The following ATP13A4 variants were observed in gnomAD, a reference collection of about 807,000 sequenced individuals.
ATP13A4 encodes ATPase 13A4.
A neutral mutation model predicts 142.5 loss-of-function variants in ATP13A4; 114 were observed. That is an observed-to-expected ratio of 0.80 (90% CI 0.69 to 0.93). ATP13A4 has a LOEUF of 0.93. ATP13A4 is among the 40% of genes least tolerant of loss of function. The pLI, the probability that ATP13A4 is intolerant of heterozygous loss-of-function variation, is 0.00. For missense variants in ATP13A4, 1,392 were observed against 1,454.0 expected (o/e 0.96, Z 0.69); for synonymous variants, 488 against 514.8 (o/e 0.95, Z 0.70).
chr3:193,495,328 A>T (rs1033151054), intron 3 of ATP13A4, among the ~76,000 whole-genome samples: 4 of 152,136 alleles, frequency 2.6e-5, no homozygotes, highest in Admixed American at 1.3e-4. Context: ...TTCCTGACAA[A>T]CCTAGAAGCA....
At chr3:193,503,134 G>A (rs1180408378) in intron 2 of ATP13A4, among the ~76,000 whole-genome samples, 1 of 152,086 alleles carries the variant, frequency 6.6e-6, no homozygotes. Context: ...AGACTACCTG[G>A]AATGCAGGGA....
chr3:193,465,924 C>T (rs890647939), intron 11 of ATP13A4, 101 bp downstream of exon 11: 10 of 1,483,008 alleles, frequency 6.7e-6, no homozygotes, highest in Non-Finnish European at 8.4e-6. Context: ...TTTTGTTTCC[C>T]AGGTTTGTAA....
intron 2 of ATP13A4, among the ~76,000 whole-genome samples, chr3:193,581,375 T>A (rs1223935408): frequency 6.6e-6 from 1 of 152,174 alleles, no homozygotes; most frequent in Non-Finnish European, 1.5e-5. Context: ...CGTGCTGATT[T>A]CTATGGTGGA....
At chr3:193,493,873 C>T (rs992572313) in intron 3 of ATP13A4, among the ~76,000 whole-genome samples, 5 of 151,954 alleles carry the variant, frequency 3.3e-5, no homozygotes, top group Non-Finnish European at 7.4e-5. Flanking sequence ...TAAAAAGAGC[C>T]AACTATATGC....
At chr3:193,555,075 C>T, upstream of ATP13A4, 3 of 643,508 alleles carry the variant, frequency 4.7e-6, no homozygotes, top group Non-Finnish European at 7.4e-6. Flanking sequence ...AGGCTGCTCC[C>T]ATGCCGATCT....
At chr3:193,451,010 A>T (rs1253784945) in intron 17 of ATP13A4, among the ~76,000 whole-genome samples, 6 of 152,102 alleles carry the variant, frequency 3.9e-5, no homozygotes, top group Non-Finnish European at 5.9e-5. Flanking sequence ...CTGCCACTGG[A>T]CTGTTTCTAT....
At chr3:193,558,623 C>A (rs1723953088), upstream of ATP13A4, among the ~76,000 whole-genome samples, 1 of 152,108 alleles carries the variant, frequency 6.6e-6, no homozygotes, top group Admixed American at 6.5e-5. Flanking sequence ...GGCCAGGAAA[C>A]CCTCACAAGG....
At chr3:193,492,871 G>T in intron 5 of ATP13A4, 46 bp downstream of exon 5, 1 of 1,424,618 alleles carries the variant, frequency 7.0e-7, no homozygotes, top group Non-Finnish European at 9.9e-7. Flanking sequence ...TTGGCTAACT[G>T]ATAATAATCC....
rs559931143 is a variant in ATP13A4, at chr3:193,489,658, C to T, written c.738+72G>A. 2.0e-6 allele frequency: 3 copies of T among 1,512,532 alleles called. No individual in the cohort carries two copies. In the African/African-American group the frequency reaches 4.2e-5, roughly 21 times the overall value. 93.7% of individuals were successfully genotyped at this position (1,512,532 alleles called of 1,614,324 possible). A position where few individuals can be genotyped will look rare whatever the true frequency, so the allele number is the denominator to read the frequency against. On this transcript the variant is annotated intron_variant, in intron 7 of 29. Coordinates refer to ENST00000342695, the MANE Select transcript of ATP13A4 (RefSeq NM_032279.4). ...AGGAAGTGACTATTTCCTGATTCTCCTTTCTAACAAATTTTTAATAAAGTC... is the reference window on the plus strand; with the variant it reads ...AGGAAGTGACTATTTCCTGATTCTCTTTTCTAACAAATTTTTAATAAAGTC...
chr3:193,484,048 A>T, intron 7 of ATP13A4, 43 bp from the exon 8 acceptor site: 1 of 1,503,526 alleles, frequency 6.7e-7, no homozygotes, highest in Non-Finnish European at 9.3e-7. Context: ...CTATTTGAGC[A>T]TAGTTTCTAG....
chr3:193,507,907 C>G (rs1720943978), intron 2 of ATP13A4, among the ~76,000 whole-genome samples: 1 of 152,150 alleles, frequency 6.6e-6, no homozygotes, highest in South Asian at 2.1e-4. Flanking sequence ...AAATAACCTG[C>G]CTGTTATGAA....
rs748133842 is a variant in ATP13A4, at chr3:193,457,022, G to A, written c.1893C>T (p.Ala631=). The part of the protein sequence containing the change: ...AFMKGAPERV[A]SFCQPETVPT... The stretch of plus-strand genomic sequence containing the variant: ...GACCTGTCTCAGGTTGGCAAAAGCT[G>A]GCCACCCTCTCTGGTGCACCTTTCA... Residue 631 remains alanine (A), a synonymous_variant, in exon 16 of 30, where the codon GCC becomes GCT. Transcript: ENST00000342695. 1 of 1,613,902 alleles carries A rather than the reference G, an allele frequency of 6.2e-7. No individual in the cohort carries two copies. Among genetic ancestry groups the A allele is most frequent in the Non-Finnish European group, 8.5e-7 (1 of 1,179,950 alleles).
intron 11 of ATP13A4, among the ~76,000 whole-genome samples, 163 bp from the exon 12 acceptor site, chr3:193,465,291 G>A (rs184088566): frequency 3.7e-4 from 57 of 152,162 alleles, no homozygotes; most frequent in Admixed American, 3.6e-3. Flanking sequence ...GGGTTCAAGC[G>A]ATTGTCCTGC....
Position 193,493,131 on chromosome 3 carries a change from T to C in ATP13A4, c.411A>G (p.Arg137=). ...KVRCIKVQKI[R]YVWNYLEGQF... ...GTCCTTCTAAGTAGTTCCAAACATA[T>C]CTTATTTTCTGCACTTTGATGCATC... Residue 137 remains arginine, a synonymous_variant, in exon 4 of 30, where the codon AGA becomes AGG. Transcript: ENST00000342695. 1 of 1,613,242 alleles carries C rather than the reference T, an allele frequency of 6.2e-7. No homozygotes were observed. Among genetic ancestry groups the C allele is most frequent in the Admixed American group, 1.7e-5 (1 of 60,010 alleles).
intron 1 of ATP13A4, among the ~76,000 whole-genome samples, chr3:193,520,577 G>A (rs1365252160): frequency 6.6e-6 from 1 of 152,108 alleles, no homozygotes; most frequent in Non-Finnish European, 1.5e-5. Flanking sequence ...CCCTGGAAGG[G>A]ACAAACTGGT....
At chr3:193,514,184 A>G (rs1398620356) in intron 2 of ATP13A4, among the ~76,000 whole-genome samples, 1 of 152,170 alleles carries the variant, frequency 6.6e-6, no homozygotes, top group Non-Finnish European at 1.5e-5. Flanking sequence ...TTTGTTACCC[A>G]TGTATTAAGC....
upstream of ATP13A4, among the ~76,000 whole-genome samples, chr3:193,558,324 G>A (rs1057437332): frequency 1.3e-5 from 2 of 151,900 alleles, no homozygotes; most frequent in East Asian, 1.9e-4. Flanking sequence ...TATACTCTAC[G>A]TGCCTCACGG....
chr3:193,568,606 T>C (rs986786007), intron 2 of ATP13A4, among the ~76,000 whole-genome samples: 1 of 152,170 alleles, frequency 6.6e-6, no homozygotes, highest in Non-Finnish European at 1.5e-5. Context: ...AACATGAGTA[T>C]ACATAAACCT....
Position 193,456,909 on chromosome 3 carries a change from T to C in ATP13A4, c.1915+91A>G, listed in dbSNP as rs111378747. 9.4e-4 allele frequency: 1,380 copies of C among 1,465,274 alleles called. 3 individuals are homozygous for C. The highest frequency in any genetic ancestry group is 1.1e-3 in the Non-Finnish European group (1,188 of 1,072,276). The allele number at this position is 1,465,274 out of a possible 1,614,324, so 90.8% of individuals were successfully genotyped here. On this transcript the variant is annotated intron_variant, in intron 16 of 29. Coordinates refer to ENST00000342695, the MANE Select transcript of ATP13A4 (RefSeq NM_032279.4). ...GAGCCACCCAATTGGTGATGACCCA[T>C]AGGCGATTGAATTAATAGATCAAAT...
Sources: allele counts gnomAD v4.1 joint callset (sites outside exome capture counted in the v4.1 genomes callset), GRCh38; gene constraint gnomAD v4.1.1; transcripts MANE v1.5; gene names NCBI Gene and HGNC (gene_info 2026-07-23, HGNC 2026-07-21).